Variants in WASF2 observed in about 807,000 individuals in gnomAD.
WASF2 encodes the protein actin-binding protein WASF2.
A neutral mutation model predicts 45.0 loss-of-function variants in WASF2; 14 were observed. The ratio of observed to expected loss-of-function variants is 0.31; its 90% confidence interval spans 0.21 to 0.49. The LOEUF (loss-of-function observed/expected upper bound fraction) is 0.49. WASF2 is among the 20% of genes least tolerant of loss of function. The pLI, the probability that WASF2 is intolerant of heterozygous loss-of-function variation, is 0.99. For missense variants in WASF2, 439 were observed against 636.1 expected (o/e 0.69, Z 3.33); for synonymous variants, 200 against 236.3 (o/e 0.85, Z 1.41).
At chr1:27,467,701 AGGAGATGGAGACCAGCCT>A (rs1381252614) in intron 1 of WASF2, among the ~76,000 whole-genome samples, 1 of 150,574 alleles carries the variant, frequency 6.6e-6, no homozygotes, top group Non-Finnish European at 1.5e-5. Flanking sequence ...TCACGAGGTC[AGGAGATGGAGACCAGCCT>A]GGCTGACACG....
At chr1:27,455,624 C>T (rs951968754) in intron 1 of WASF2, among the ~76,000 whole-genome samples, 4 of 152,218 alleles carry the variant, frequency 2.6e-5, no homozygotes, top group African/African-American at 7.2e-5. Flanking sequence ...TCACTGCTCA[C>T]CACAGAAGCC....
intron 1 of WASF2, among the ~76,000 whole-genome samples, chr1:27,488,227 C>G (rs570834502): frequency 6.6e-6 from 1 of 152,226 alleles, no homozygotes; most frequent in African/African-American, 2.4e-5. Flanking sequence ...CCCTACTATT[C>G]TGATTAACCA....
rs1328091636 is a variant in WASF2, at chr1:27,409,785, T to C, written c.1246A>G (p.Ile416Val). 1.3e-6 allele frequency: 2 copies of C among 1,558,456 alleles called. No individual in the cohort carries two copies. Among genetic ancestry groups the C allele is most frequent in the African/African-American group, 1.4e-5 (1 of 73,382 alleles). The change falls in exon 8 of 9, where the codon ATA becomes GTA. Residue 416 changes from isoleucine to valine, a missense_variant. Physicochemically the swap from Ile to Val is conservative, Grantham distance 29. Coordinates refer to ENST00000618852, the MANE Select transcript of WASF2 (RefSeq NM_006990.5). ...GTGGTATCAGAAAGCGGTGGTGGTA[T>C]AGCAGGCTGGCCATCTGCACCAGTG... ...PFTGADGQPA[I>V]PPPLSDTTKP... is the part of the protein sequence containing the mutation.
intron 1 of WASF2, among the ~76,000 whole-genome samples, chr1:27,449,275 C>A (rs778639615): frequency 6.6e-6 from 1 of 152,124 alleles, no homozygotes; most frequent in Non-Finnish European, 1.5e-5. Flanking sequence ...TGCCTACCAC[C>A]ACGCTAGGTA....
chr1:27,488,211 A>G (rs2017972675), intron 1 of WASF2, among the ~76,000 whole-genome samples: 1 of 152,184 alleles, frequency 6.6e-6, no homozygotes, highest in African/African-American at 2.4e-5. Flanking sequence ...CAATACCCAT[A>G]GCCGTCCCTA....
intron 1 of WASF2, among the ~76,000 whole-genome samples, chr1:27,489,018 G>T (rs548402877): frequency 1.3e-5 from 2 of 152,130 alleles, no homozygotes; most frequent in South Asian, 4.1e-4. Flanking sequence ...TAACCCTCCT[G>T]AATTCTGGAC....
chr1:27,472,687 C>A (rs2148138730), intron 1 of WASF2, among the ~76,000 whole-genome samples: 1 of 139,230 alleles, frequency 7.2e-6, no homozygotes, highest in South Asian at 2.3e-4. Context: ...GGAAATCAGG[C>A]CAGGGTGGCT....
chr1:27,469,464 G>C (rs1035876095), intron 1 of WASF2, among the ~76,000 whole-genome samples: 1 of 152,164 alleles, frequency 6.6e-6, no homozygotes, highest in Non-Finnish European at 1.5e-5. Flanking sequence ...ATTCGATCTA[G>C]TGTACCGCCT....
At chr1:27,450,419 T>G (rs2017368821) in intron 1 of WASF2, among the ~76,000 whole-genome samples, 1 of 152,176 alleles carries the variant, frequency 6.6e-6, no homozygotes, top group Non-Finnish European at 1.5e-5. Flanking sequence ...CAAACCAGCT[T>G]CTTGTCTTCC....
chr1:27,477,854 C>A (rs1285955735), intron 1 of WASF2, among the ~76,000 whole-genome samples: 1 of 96,652 alleles, frequency 1.0e-5, no homozygotes, highest in Non-Finnish European at 1.9e-5. Context: ...AGCCGAGATC[C>A]CGCCACTGCA....
intron 1 of WASF2, among the ~76,000 whole-genome samples, chr1:27,446,698 T>A (rs1303830628): frequency 6.6e-6 from 1 of 151,508 alleles, no homozygotes; most frequent in Non-Finnish European, 1.5e-5. Flanking sequence ...GGTGGATCGC[T>A]TGAGCCTGGG....
chr1:27,467,927 T>A (rs1448799742), intron 1 of WASF2, among the ~76,000 whole-genome samples: 2 of 151,678 alleles, frequency 1.3e-5, no homozygotes, highest in Non-Finnish European at 2.9e-5. Context: ...ATCTTTTTAA[T>A]GTGCCAAATA....
intron 1 of WASF2, among the ~76,000 whole-genome samples, chr1:27,445,319 G>T (rs2017296764): frequency 6.6e-6 from 1 of 152,134 alleles, no homozygotes; most frequent in South Asian, 2.1e-4. Context: ...CTTTATGAAA[G>T]TCACACAGAC....
intron 1 of WASF2, among the ~76,000 whole-genome samples, chr1:27,472,200 G>A (rs1010021493): frequency 2.0e-5 from 3 of 150,026 alleles, no homozygotes; most frequent in Non-Finnish European, 3.0e-5. Flanking sequence ...GCATGGTGGC[G>A]GGTGCCTGTA....
rs772954540 is a variant in WASF2 at position 27,407,553 on chromosome 1, C to G, written c.*636G>C. Reference sequence around the variant, plus strand: ...GGAGGGAGGCAACAACACCAGCCTACAGAAAGGCATCATTTTTGGGCAGAG... The same window carrying G: ...GGAGGGAGGCAACAACACCAGCCTAGAGAAAGGCATCATTTTTGGGCAGAG... On this transcript the variant is annotated 3_prime_UTR_variant, in exon 9 of 9. Coordinates refer to ENST00000618852, the MANE Select transcript of WASF2 (RefSeq NM_006990.5). The G allele has an allele frequency of 6.5e-6, 1 of 152,746 alleles. No homozygotes were observed. The highest frequency in any genetic ancestry group is 2.4e-5 in the African/African-American group (1 of 41,454). The allele number at this position is 152,746 out of a possible 1,614,324, so 9.5% of individuals were successfully genotyped here.
chr1:27,427,911 A>G (rs1387797575), intron 2 of WASF2, among the ~76,000 whole-genome samples: 2 of 152,168 alleles, frequency 1.3e-5, no homozygotes, highest in Non-Finnish European at 2.9e-5. Context: ...AGCCAATCCA[A>G]GCATCTGCCC....
intron 1 of WASF2, among the ~76,000 whole-genome samples, chr1:27,449,226 G>A (rs963077475): frequency 6.6e-6 from 1 of 152,164 alleles, no homozygotes; most frequent in African/African-American, 2.4e-5. Context: ...ACTAGACTGT[G>A]AGTTCTCTGA....
At chr1:27,449,323 TGCG>T (rs2017351031) in intron 1 of WASF2, among the ~76,000 whole-genome samples, 1 of 152,066 alleles carries the variant, frequency 6.6e-6, no homozygotes, top group Admixed American at 6.6e-5. Context: ...CAAGGCCAGG[TGCG>T]GTAGCTCACG....
intron 2 of WASF2, among the ~76,000 whole-genome samples, chr1:27,419,532 T>C (rs964839651): frequency 4.6e-5 from 7 of 152,224 alleles, no homozygotes; most frequent in Admixed American, 1.3e-4. Flanking sequence ...GGAGAATTGC[T>C]TGACCTCGGG....
Sources: allele counts gnomAD v4.1 joint callset (sites outside exome capture counted in the v4.1 genomes callset), GRCh38; gene constraint gnomAD v4.1.1; transcripts MANE v1.5; gene names NCBI Gene and HGNC (gene_info 2026-07-23, HGNC 2026-07-21).